Variants in MASP2 observed in about 807,000 individuals in gnomAD.
MASP2 encodes the protein mannan-binding lectin serine protease 2.
Under a neutral mutation model 57.1 loss-of-function variants are expected in MASP2, and 49 were observed. That is an observed-to-expected ratio of 0.86 (90% CI 0.68 to 1.09). The LOEUF is 1.09. Among genes scored for constraint, MASP2 ranks in the 50% least tolerant of loss-of-function variants. The pLI is 0.00. For missense variants in MASP2, 900 were observed against 874.8 expected (o/e 1.03, Z -0.36); for synonymous variants, 379 against 340.8 (o/e 1.11, Z -1.24).
chr1:11,042,225 A>G (rs1417215944), intron 6 of MASP2, among the ~76,000 whole-genome samples: 1 of 141,076 alleles, frequency 7.1e-6, no homozygotes, highest in African/African-American at 2.7e-5. Flanking sequence ...GATATGTAGA[A>G]GGATGGGTGG....
At position 11,034,848 on chromosome 1, in the gene MASP2, C is replaced by T. The variant is rs530417228; in HGVS notation, c.1067G>A (p.Arg356Gln). Residue 356 changes from arginine to glutamine, a missense_variant, in exon 8 of 11, where the codon CGG becomes CAG. Transcript: ENST00000400897. Reference sequence around the variant, plus strand: ...CGTACTGCTGCACGCGGGCATTGGCCGGTCCCAAGATCCATCTTTCTGACA... The same window carrying T: ...CGTACTGCTGCACGCGGGCATTGGCTGGTCCCAAGATCCATCTTTCTGACA... ...AVCQKDGSWDRPMPACSIVDC... is the reference protein window; with the variant it reads ...AVCQKDGSWDQPMPACSIVDC... 1.1e-5 allele frequency: 18 copies of T among 1,612,568 alleles called. No individual in the cohort carries two copies. Among genetic ancestry groups the T allele is most frequent in the South Asian group, 3.3e-5 (3 of 90,792 alleles).
intron 7 of MASP2, 109 bp downstream of exon 7, chr1:11,037,581 AATC>A (rs1239137649): frequency 3.0e-6 from 2 of 663,364 alleles, no homozygotes; most frequent in Admixed American, 2.9e-5. Flanking sequence ...AGACAAAAGA[AATC>A]ATGCTGACAC....
chr1:11,030,233 C>T lies in MASP2; in HGVS notation c.1240G>A (p.Ala414Thr). The change falls in exon 10 of 11, where the codon GCT becomes ACT. Residue 414 changes from alanine (A) to threonine (T), a missense_variant. By Grantham distance (58) the Ala-to-Thr change is moderately conservative. Transcript: ENST00000400897. The stretch of plus-strand genomic sequence containing the variant: ...TTGGAGCTCGTCCAGAATCCATCAG[C>T]CTCACACACATATTTACCTGCAAAT... ...KVNDGKYVCE[A>T]DGFWTSSKGE... 1 of 1,613,504 alleles carries T rather than the reference C, an allele frequency of 6.2e-7. No homozygotes were observed. Among genetic ancestry groups the T allele is most frequent in the Non-Finnish European group, 8.5e-7 (1 of 1,179,794 alleles).
Position 11,037,815 on chromosome 1 carries a change from C to T in MASP2, c.890-4G>A, listed in dbSNP as rs878907744. On this transcript the variant is annotated splice_polypyrimidine_tract_variant and splice_region_variant and intron_variant, in intron 6 of 10. Transcript: ENST00000400897. ...ATCGGATAAGGGCAAGGCTGCGCTG[C>T]GCAGAGGAAACCAGGCTTGTTGGTT... is the stretch of plus-strand genomic sequence containing the variant. 8.2e-6 allele frequency: 13 copies of T among 1,586,978 alleles called. No individual in the cohort carries two copies. Among genetic ancestry groups the T allele is most frequent in the South Asian group, 2.3e-5 (2 of 88,182 alleles).
chr1:11,038,666 G>A (rs1638325585), intron 6 of MASP2, among the ~76,000 whole-genome samples: 1 of 152,216 alleles, frequency 6.6e-6, no homozygotes, highest in Admixed American at 6.5e-5. Context: ...CCAGCCTGTG[G>A]CCTGGGGAAG....
At chr1:11,031,493 C>T (rs991098364) in intron 8 of MASP2, among the ~76,000 whole-genome samples, 2 of 130,518 alleles carry the variant, frequency 1.5e-5, no homozygotes, top group Non-Finnish European at 3.1e-5. Context: ...GGCACCACTT[C>T]ACTCCAGCCT....
chr1:11,038,059 T>C (rs1320586903), intron 6 of MASP2, among the ~76,000 whole-genome samples: 2 of 152,166 alleles, frequency 1.3e-5, no homozygotes, highest in African/African-American at 4.8e-5. Flanking sequence ...TGTGGGAAGA[T>C]GGTGCAGTCC....
At chr1:11,045,134 G>A (rs1430003150) in intron 4 of MASP2, 5 of 743,992 alleles carry the variant, frequency 6.7e-6, no homozygotes, top group Non-Finnish European at 1.2e-5. Flanking sequence ...CGACTCTCCC[G>A]TGGCTACATG....
intron 5 of MASP2, 139 bp from the exon 6 acceptor site, chr1:11,043,161 C>T (rs974011326): frequency 6.9e-6 from 7 of 1,018,130 alleles, no homozygotes; most frequent in Non-Finnish European, 2.9e-6. Context: ...CCCCTCCCCA[C>T]TCTGCCTCCC....
In MASP2 at chr1:11,028,637, T is replaced by A. The variant is rs1270677271; in HGVS notation, c.1298-989A>T. On this transcript the variant is annotated intron_variant, in intron 10 of 10. Coordinates refer to ENST00000400897, the MANE Select transcript of MASP2 (RefSeq NM_006610.4). ...ACGTTGTGTTAGCCAAATACAGGTT[T>A]AAAAAAACTAATTTGAGCCAAATAA... 2.0e-5 allele frequency among the ~76,000 whole-genome samples: 3 copies of A among 151,944 alleles called. No homozygotes were observed. In the East Asian group the frequency reaches 5.8e-4, roughly 29 times the overall value.
intron 4 of MASP2, among the ~76,000 whole-genome samples, chr1:11,044,432 C>T (rs953955285): frequency 2.6e-5 from 4 of 152,186 alleles, no homozygotes; most frequent in Admixed American, 1.3e-4. Context: ...CCTTCTTCCA[C>T]GTGGCTGTGC....
chr1:11,041,374 A>AGATGGATGGATG lies in MASP2; in HGVS notation c.889+1489_889+1500dup, dbSNP rs144619009. Among the ~76,000 whole-genome samples the AGATGGATGGATG allele has an allele frequency of 1.1e-3, 114 of 107,606 alleles. 1 individual carries two copies. The East Asian group carries it at 0.013, about 12-fold the overall frequency. The allele number at this position is 107,606 out of a possible 152,430, so 70.6% of individuals were successfully genotyped here. A position where few individuals can be genotyped will look rare whatever the true frequency, so the allele number is the denominator to read the frequency against. On this transcript the variant is annotated intron_variant, in intron 6 of 10. Transcript: ENST00000400897. ...TAGATAGGTGTCTGGAAGAATTGGC[A>AGATGGATGGATG]GATGGATGGATGGATGGATGGATGG...
Position 11,026,988 on chromosome 1 carries a change from A to G in MASP2, c.1958T>C (p.Val653Ala), listed in dbSNP as rs746106772. 3.8e-6 allele frequency: 6 copies of G among 1,592,784 alleles called. No individual in the cohort carries two copies. The Admixed American group carries it at 5.3e-5, about 14-fold the overall frequency. Reference protein sequence around the residue: ...ETERWFVGGIVSWGSMNCGEA... With the variant: ...ETERWFVGGIASWGSMNCGEA... ...CCCACAATTCATGGAACCCCAGGAC[A>G]CTATTCCTCCCACAAACCACCTCTC... Residue 653 changes from valine (V) to alanine (A), a missense_variant, in exon 11 of 11, where the codon GTG (valine) becomes GCG (alanine). Physicochemically the swap from Val to Ala is moderately conservative, Grantham distance 64 (BLOSUM62 0). Coordinates refer to ENST00000400897, the MANE Select transcript of MASP2 (RefSeq NM_006610.4).
At chr1:11,031,492 TCACTC>T (rs1643844673) in intron 8 of MASP2, among the ~76,000 whole-genome samples, 1 of 140,576 alleles carries the variant, frequency 7.1e-6, no homozygotes, top group African/African-American at 2.7e-5. Context: ...TGGCACCACT[TCACTC>T]CAGCCTGGGT....
chr1:11,043,352 T>A lies in MASP2; in HGVS notation c.728A>T (p.Tyr243Phe). 1 of 1,607,158 alleles carries A rather than the reference T, an allele frequency of 6.2e-7. No homozygotes were observed. The highest frequency in any genetic ancestry group is 8.5e-7 in the Non-Finnish European group (1 of 1,177,212). Residue 243 changes from tyrosine (Y) to phenylalanine (F), a missense_variant, in exon 5 of 11, where the codon TAC (tyrosine) becomes TTC (phenylalanine). Coordinates refer to ENST00000400897, the MANE Select transcript of MASP2 (RefSeq NM_006610.4). The stretch of plus-strand genomic sequence containing the variant: ...CAGGAGCCAGACCTTGAGAAAGTCG[T>A]AGGGACACAGGGTTTCAGGGTGTGT... The part of the protein sequence containing the change: ...VETHPETLCP[Y>F]DFLKIQTDRE...
Position 11,026,814 on chromosome 1 carries a change from G to C in MASP2, c.*71C>G, listed in dbSNP as rs565006914. 2.4e-5 allele frequency: 32 copies of C among 1,333,306 alleles called. No homozygotes were observed. In the African/African-American group the frequency reaches 4.4e-4, roughly 18 times the overall value. 82.6% of individuals were successfully genotyped at this position (1,333,306 alleles called of 1,614,324 possible). ...TCCACAGTAATGATGAATGCTTCTC[G>C]AGCCACGTCGCTGCCAAGGTCTTCA... On this transcript the variant is annotated 3_prime_UTR_variant, in exon 11 of 11. Coordinates refer to ENST00000400897, the MANE Select transcript of MASP2 (RefSeq NM_006610.4).
chr1:11,031,528 T>TTAAAAAAA (rs1553160783), intron 8 of MASP2, among the ~76,000 whole-genome samples: 2 of 67,504 alleles, frequency 3.0e-5, no homozygotes, highest in Non-Finnish European at 2.5e-5. Context: ...GACTCTGTCT[T>TTAAAAAAA]AAAAAAAAAA....
intron 4 of MASP2, among the ~76,000 whole-genome samples, chr1:11,044,321 A>C (rs1409408186): frequency 6.6e-6 from 1 of 152,102 alleles, no homozygotes; most frequent in Non-Finnish European, 1.5e-5. Context: ...CCCTCAAGGA[A>C]GGCTTGGTCC....
chr1:11,039,993 G>A (rs72870056), intron 6 of MASP2, among the ~76,000 whole-genome samples: 2,527 of 148,116 alleles, frequency 0.017, 70 homozygotes, highest in African/African-American at 0.056. Flanking sequence ...GGATGAATGA[G>A]GGATAGGATT....
Sources: allele counts gnomAD v4.1 joint callset (sites outside exome capture counted in the v4.1 genomes callset), GRCh38; gene constraint gnomAD v4.1.1; transcripts MANE v1.5; gene names NCBI Gene and HGNC (gene_info 2026-07-23, HGNC 2026-07-21).